Variants in NXPH1 observed in about 807,000 individuals in gnomAD.
The protein encoded by NXPH1 is neurexophilin-1.
NXPH1 carries 5 observed loss-of-function variants against 23.7 expected under a neutral mutation model. That is an observed-to-expected ratio of 0.21 (90% CI 0.11 to 0.44). NXPH1 has a LOEUF of 0.44. Among genes scored for constraint, NXPH1 ranks in the 20% least tolerant of loss-of-function variants. NXPH1 has a pLI of 0.99. For missense variants in NXPH1, 324 were observed against 321.6 expected (o/e 1.01, Z -0.06); for synonymous variants, 144 against 122.2 (o/e 1.18, Z -1.18).
chr7:8,586,737 C>T (rs950405957), intron 2 of NXPH1, among the ~76,000 whole-genome samples: 6 of 151,578 alleles, frequency 4.0e-5, no homozygotes, highest in Non-Finnish European at 1.5e-5. Flanking sequence ...AACTTTTAAC[C>T]TTTTGCATTC....
At position 8,627,869 on chromosome 7, in the gene NXPH1, G is replaced by C. The variant is rs552561462; in HGVS notation, c.55-123139G>C. ...GAGGTACAATAAAAAAAGCCTCTTTGGTTCTCTAGAGAATATAAAGGCATA... is the reference window on the plus strand; with the variant it reads ...GAGGTACAATAAAAAAAGCCTCTTTCGTTCTCTAGAGAATATAAAGGCATA... On this transcript the variant is annotated intron_variant, in intron 2 of 2. Transcript: ENST00000405863. Among the ~76,000 whole-genome samples, 23 of 152,082 alleles carry C rather than the reference G, an allele frequency of 1.5e-4. No homozygotes were observed. In the South Asian group the frequency reaches 4.4e-3, roughly 29 times the overall value.
intron 2 of NXPH1, among the ~76,000 whole-genome samples, chr7:8,580,009 G>C (rs1818834879): frequency 1.3e-5 from 2 of 152,196 alleles, no homozygotes; most frequent in South Asian, 4.1e-4. Flanking sequence ...AGAGAGATGG[G>C]AAGAGTCTGT....
At chr7:8,460,552 G>A (rs1563316732) in intron 2 of NXPH1, among the ~76,000 whole-genome samples, 1 of 152,120 alleles carries the variant, frequency 6.6e-6, no homozygotes, top group Non-Finnish European at 1.5e-5. Context: ...GTGATCAATG[G>A]GAAGGTTTGG....
intron 2 of NXPH1, among the ~76,000 whole-genome samples, chr7:8,496,823 T>C (rs1002766024): frequency 6.6e-6 from 1 of 152,082 alleles, no homozygotes; most frequent in Non-Finnish European, 1.5e-5. Context: ...TAATGACCCA[T>C]GCTTCTCATA....
At chr7:8,706,804 C>T (rs760159769) in intron 2 of NXPH1, among the ~76,000 whole-genome samples, 1 of 152,118 alleles carries the variant, frequency 6.6e-6, no homozygotes, top group Non-Finnish European at 1.5e-5. Context: ...TGTGGGTACC[C>T]CATTGAAGAG....
At position 8,646,320 on chromosome 7, in the gene NXPH1, C is replaced by T. The variant is rs536900106; in HGVS notation, c.55-104688C>T. Among the ~76,000 whole-genome samples the T allele has an allele frequency of 3.3e-5, 5 of 152,110 alleles. No homozygotes were observed. In the South Asian group the frequency reaches 6.2e-4, roughly 19 times the overall value. On this transcript the variant is annotated intron_variant, in intron 2 of 2. Coordinates refer to ENST00000405863, the MANE Select transcript of NXPH1 (RefSeq NM_152745.3). Reference sequence around the variant, plus strand: ...AATACAAGTGCAATGGATTTTTGTACGTTTATCTCATATCCGACAATCTTT... The same window carrying T: ...AATACAAGTGCAATGGATTTTTGTATGTTTATCTCATATCCGACAATCTTT...
chr7:8,502,562 T>C (rs1371646123), intron 2 of NXPH1, among the ~76,000 whole-genome samples: 2 of 151,580 alleles, frequency 1.3e-5, no homozygotes, highest in East Asian at 3.9e-4. Flanking sequence ...GCATTAGTGG[T>C]GTGACAAGGG....
intron 2 of NXPH1, among the ~76,000 whole-genome samples, chr7:8,628,233 G>C (rs563385194): frequency 7.3e-4 from 111 of 152,186 alleles, no homozygotes; most frequent in Non-Finnish European, 1.2e-3. Flanking sequence ...AAATGAAAAA[G>C]TGCAAAGAAA....
intron 2 of NXPH1, among the ~76,000 whole-genome samples, chr7:8,634,761 G>C (rs1583207927): frequency 6.8e-6 from 1 of 146,264 alleles, no homozygotes; most frequent in South Asian, 2.2e-4. Context: ...GAAATGATAG[G>C]GTTTATATCT....
intron 2 of NXPH1, among the ~76,000 whole-genome samples, chr7:8,493,113 G>A (rs1393526764): frequency 1.3e-5 from 2 of 151,878 alleles, no homozygotes; most frequent in Non-Finnish European, 2.9e-5. Context: ...GTGAGGCAGG[G>A]TAAATTTGTG....
intron 2 of NXPH1, among the ~76,000 whole-genome samples, chr7:8,597,755 T>C (rs1200015317): frequency 6.6e-6 from 1 of 151,614 alleles, no homozygotes; most frequent in Admixed American, 6.6e-5. Flanking sequence ...ACCTTTCTAC[T>C]TGGCAACATG....
chr7:8,716,113 T>C (rs1047624272), intron 2 of NXPH1, among the ~76,000 whole-genome samples: 16 of 152,118 alleles, frequency 1.1e-4, no homozygotes, highest in Non-Finnish European at 2.4e-4. Context: ...TCTTTGGGTA[T>C]TAAGAAACCC....
At chr7:8,640,590 CATT>C (rs1179417685) in intron 2 of NXPH1, among the ~76,000 whole-genome samples, 3 of 151,960 alleles carry the variant, frequency 2.0e-5, no homozygotes, top group Non-Finnish European at 4.4e-5. Context: ...AGTGCTCACT[CATT>C]ATTTTTTATG....
chr7:8,696,410 ATAAC>A (rs1488533657), intron 2 of NXPH1, among the ~76,000 whole-genome samples: 1 of 152,236 alleles, frequency 6.6e-6, no homozygotes, highest in Admixed American at 6.5e-5. Flanking sequence ...GTATTACTAA[ATAAC>A]TAAGTAAGCC....
intron 2 of NXPH1, among the ~76,000 whole-genome samples, chr7:8,730,545 A>G (rs1321547865): frequency 2.6e-5 from 4 of 151,792 alleles, no homozygotes; most frequent in Non-Finnish European, 4.4e-5. Context: ...GGTGGTGACA[A>G]AATCTCTCAG....
At chr7:8,563,396 G>A (rs1218315528) in intron 2 of NXPH1, among the ~76,000 whole-genome samples, 2 of 151,696 alleles carry the variant, frequency 1.3e-5, no homozygotes, top group Admixed American at 1.3e-4. Context: ...CTAAGAATTT[G>A]GATATATGTG....
At chr7:8,607,945 G>A (rs1390306987) in intron 2 of NXPH1, among the ~76,000 whole-genome samples, 1 of 152,226 alleles carries the variant, frequency 6.6e-6, no homozygotes, top group Non-Finnish European at 1.5e-5. Context: ...AATGCCATGT[G>A]GCGATAGAAG....
chr7:8,572,932 A>C (rs1818678135), intron 2 of NXPH1, among the ~76,000 whole-genome samples: 1 of 151,710 alleles, frequency 6.6e-6, no homozygotes, highest in Non-Finnish European at 1.5e-5. Context: ...ATTTGAAAAA[A>C]CCTCAGTATG....
intron 2 of NXPH1, among the ~76,000 whole-genome samples, chr7:8,562,631 T>G (rs1342986761): frequency 2.0e-5 from 3 of 151,688 alleles, no homozygotes; most frequent in Non-Finnish European, 4.4e-5. Context: ...ATGGAAACTT[T>G]AAAATAAATC....
Sources: allele counts gnomAD v4.1 joint callset (sites outside exome capture counted in the v4.1 genomes callset), GRCh38; gene constraint gnomAD v4.1.1; transcripts MANE v1.5; gene names NCBI Gene and HGNC (gene_info 2026-07-23, HGNC 2026-07-21).